The following CXCL10 variants were observed in gnomAD, a reference collection of about 807,000 sequenced individuals.
CXCL10 encodes C-X-C motif chemokine ligand 10.
CXCL10 carries 6 observed loss-of-function variants against 10.8 expected under a neutral mutation model. The observed-to-expected ratio is 0.55, with a 90% confidence interval of 0.30 to 1.09. The LOEUF (loss-of-function observed/expected upper bound fraction) is 1.09, where lower values mean the gene tolerates loss of function less well. CXCL10 is among the 50% of genes least tolerant of loss of function. The pLI is 0.06. For synonymous variants in CXCL10, 35 were observed against 35.8 expected (o/e 0.98, Z 0.08); for missense variants, 114 against 114.3 (o/e 1.00, Z 0.01).
In CXCL10 at chr4:76,021,897, G is replaced by A. The variant is rs1274318637; in HGVS notation, c.*33C>T. The stretch of plus-strand genomic sequence containing the variant: ...GCAGCCTCTGTGTGGTCCATCCTTG[G>A]AAGCACTGCATCGATTTTGCTCCCC... On this transcript the variant is annotated 3_prime_UTR_variant, in exon 4 of 4. Transcript: ENST00000306602. 5 of 1,601,504 alleles carry A rather than the reference G, an allele frequency of 3.1e-6. No individual in the cohort carries two copies.
intron 3 of CXCL10, among the ~76,000 whole-genome samples, chr4:76,022,152 T>G (rs1732895798): frequency 6.6e-6 from 1 of 152,214 alleles, no homozygotes; most frequent in Non-Finnish European, 1.5e-5. Flanking sequence ...TAGTTATAGC[T>G]GTACTTCAAG....
In CXCL10 at chr4:76,021,968, A is replaced by T; in HGVS notation, c.279-20T>A. The T allele has an allele frequency of 6.2e-7, 1 of 1,605,424 alleles. No homozygotes were observed. Among genetic ancestry groups the T allele is most frequent in the South Asian group, 1.1e-5 (1 of 90,892 alleles). On this transcript the variant is annotated intron_variant, in intron 3 of 3. Coordinates refer to ENST00000306602, the MANE Select transcript of CXCL10 (RefSeq NM_001565.4). ...TTAGACCTGTAAGAAGAGAAAGGGGATATAAAAGTGTGATAGTCTGACTCT... is the reference window on the plus strand; with the variant it reads ...TTAGACCTGTAAGAAGAGAAAGGGGTTATAAAAGTGTGATAGTCTGACTCT...
At chr4:76,022,512 A>G in intron 2 of CXCL10, 57 bp from the exon 3 acceptor site, 1 of 1,544,018 alleles carries the variant, frequency 6.5e-7, no homozygotes. Context: ...AATAAAACAG[A>G]TGGCATACGC....
Position 76,022,811 on chromosome 4 carries a change from G to C in CXCL10, c.68C>G (p.Pro23Arg). 6.2e-7 allele frequency: 1 copy of C among 1,608,262 alleles called. No individual in the cohort carries two copies. Reference sequence around the variant, plus strand: ...GGTACAGCGTACAGTTCTAGAGAGAGGTACTCCTGTAGGAAAAGAGGAACA... The same window carrying C: ...GGTACAGCGTACAGTTCTAGAGAGACGTACTCCTGTAGGAAAAGAGGAACA... Reference protein sequence around the residue: ...FLTLSGIQGVPLSRTVRCTCI... With the variant: ...FLTLSGIQGVRLSRTVRCTCI... The change falls in exon 2 of 4, where the codon CCT (proline) becomes CGT (arginine). Residue 23 changes from proline (P) to arginine (R), a missense_variant. Transcript: ENST00000306602.
At position 76,021,881 on chromosome 4, in the gene CXCL10, G is replaced by C. The variant is rs370049710; in HGVS notation, c.*49C>G. On this transcript the variant is annotated 3_prime_UTR_variant, in exon 4 of 4. Transcript: ENST00000306602. ...GGAAGTGATGGGAGAGGCAGCCTCT[G>C]TGTGGTCCATCCTTGGAAGCACTGC... 6.4e-7 allele frequency: 1 copy of C among 1,567,100 alleles called. No individual in the cohort carries two copies. Among genetic ancestry groups the C allele is most frequent in the Non-Finnish European group, 8.8e-7 (1 of 1,137,492 alleles).
In CXCL10 at chr4:76,021,517, A is replaced by G. The variant is rs1270006370; in HGVS notation, c.*413T>C. On this transcript the variant is annotated 3_prime_UTR_variant, in exon 4 of 4. Coordinates refer to ENST00000306602, the MANE Select transcript of CXCL10 (RefSeq NM_001565.4). ...GGCAGTGGAAGTCCATGAAGTAAAGAGCATTCTTTAAAAAGCAGATTTGAT... is the reference window on the plus strand; with the variant it reads ...GGCAGTGGAAGTCCATGAAGTAAAGGGCATTCTTTAAAAAGCAGATTTGAT... The G allele has an allele frequency of 5.9e-6, 1 of 168,112 alleles. No homozygotes were observed. The highest frequency in any genetic ancestry group is 1.3e-5 in the Non-Finnish European group (1 of 78,728). 10.4% of individuals were successfully genotyped at this position (168,112 alleles called of 1,614,324 possible).
In CXCL10 at chr4:76,022,698, C is replaced by G. The variant is rs1481961916; in HGVS notation, c.181G>C (p.Glu61Gln). ...IPASQFCPRV[E>Q]IIATMKKKGE... ...AGATGGGATTTCACTCACATGATCT[C>G]AACACGTGGACAAAATTGGCTTGCA... The change falls in exon 2 of 4, where the codon GAG (glutamate) becomes CAG (glutamine). Residue 61 changes from glutamate to glutamine, a missense_variant. Transcript: ENST00000306602. 1.9e-6 allele frequency: 3 copies of G among 1,613,682 alleles called. No homozygotes were observed. The highest frequency in any genetic ancestry group is 2.5e-6 in the Non-Finnish European group (3 of 1,179,794).
chr4:76,023,376 A>T lies in CXCL10; in HGVS notation c.56T>A (p.Ile19Asn). The change falls in exon 1 of 4, where the codon ATT (isoleucine) becomes AAT (asparagine). Residue 19 changes from isoleucine to asparagine, a missense_variant. Coordinates refer to ENST00000306602, the MANE Select transcript of CXCL10 (RefSeq NM_001565.4). ...TATCCTTTGATGTTCCTTACCTTGA[A>T]TGCCACTTAGAGTCAGAAAGATAAG... ...CCLIFLTLSGIQGVPLSRTVR... is the reference protein window; with the variant it reads ...CCLIFLTLSGNQGVPLSRTVR... The T allele has an allele frequency of 6.2e-7, 1 of 1,612,612 alleles. No individual in the cohort carries two copies. The highest frequency in any genetic ancestry group is 8.5e-7 in the Non-Finnish European group (1 of 1,178,646).
chr4:76,022,481 T>C (rs1276422609), intron 2 of CXCL10, 26 bp from the exon 3 acceptor site: 2 of 1,598,000 alleles, frequency 1.3e-6, no homozygotes, highest in African/African-American at 1.3e-5. Context: ...GGGATGAAAA[T>C]ATTTAAAACT....
intron 1 of CXCL10, 28 bp downstream of exon 1, chr4:76,023,342 CA>C (rs770530840): frequency 6.4e-7 from 1 of 1,562,892 alleles, no homozygotes. Flanking sequence ...TCTCATTTTA[CA>C]AATTAAGTAT....
rs1303173258 is a variant in CXCL10 at position 76,021,687 on chromosome 4, T to C, written c.*243A>G. ...ATCCACTAAGAACATAGCACCTCAG[T>C]AGAGCTTACATTATAGTGCCAGGGT... On this transcript the variant is annotated 3_prime_UTR_variant, in exon 4 of 4. Coordinates refer to ENST00000306602, the MANE Select transcript of CXCL10 (RefSeq NM_001565.4). 2 of 527,070 alleles carry C rather than the reference T, an allele frequency of 3.8e-6. No homozygotes were observed. The highest frequency in any genetic ancestry group is 3.8e-5 in the African/African-American group (2 of 52,262). 32.6% of individuals were successfully genotyped at this position (527,070 alleles called of 1,614,324 possible).
Position 76,021,269 on chromosome 4 carries a change from A to T in CXCL10, c.*661T>A, listed in dbSNP as rs1342489698. ...AGAGCATATATCTATCTGTATTTTT[A>T]AAATTTTCCTGTTACTCATTGATAC... On this transcript the variant is annotated 3_prime_UTR_variant, in exon 4 of 4. Coordinates refer to ENST00000306602, the MANE Select transcript of CXCL10 (RefSeq NM_001565.4). The T allele has an allele frequency of 6.6e-6, 1 of 152,240 alleles. No homozygotes were observed. The highest frequency in any genetic ancestry group is 2.4e-5 in the African/African-American group (1 of 41,458). The allele number at this position is 152,240 out of a possible 1,614,324, so 9.4% of individuals were successfully genotyped here.
In CXCL10 at chr4:76,023,433, G is replaced by T. The variant is rs1472695169; in HGVS notation, c.-2C>A. The T allele has an allele frequency of 2.5e-6, 4 of 1,613,642 alleles. No homozygotes were observed. The highest frequency in any genetic ancestry group is 1.7e-5 in the Admixed American group (1 of 60,004). On this transcript the variant is annotated 5_prime_UTR_variant, in exon 1 of 4. Coordinates refer to ENST00000306602, the MANE Select transcript of CXCL10 (RefSeq NM_001565.4). Reference sequence around the variant, plus strand: ...AATCAGAATGGCAGTTTGATTCATGGTGCTGAGACTGGAGGTTCCTCTGCT... The same window carrying T: ...AATCAGAATGGCAGTTTGATTCATGTTGCTGAGACTGGAGGTTCCTCTGCT...
intron 2 of CXCL10, 79 bp from the exon 3 acceptor site, chr4:76,022,534 C>T: frequency 2.7e-6 from 4 of 1,506,082 alleles, no homozygotes; most frequent in Non-Finnish European, 2.7e-6. Context: ...GTTCTGAAGT[C>T]AGACATTTAA....
chr4:76,023,242 CTATT>C (rs146674736), intron 1 of CXCL10, 125 bp downstream of exon 1: 23,569 of 701,732 alleles, frequency 0.034, 638 homozygotes, highest in Non-Finnish European at 0.042. Flanking sequence ...GAGGGAATCT[CTATT>C]TATTTCCCTC....
chr4:76,023,469 A>T lies in CXCL10; in HGVS notation c.-38T>A, dbSNP rs1733078194. ...GGAGGTTCCTCTGCTGTAGGCTCAG[A>T]ATATGTCTAAGCAATTGAGGAATGT... On this transcript the variant is annotated 5_prime_UTR_variant, in exon 1 of 4. Coordinates refer to ENST00000306602, the MANE Select transcript of CXCL10 (RefSeq NM_001565.4). The T allele has an allele frequency of 6.3e-7, 1 of 1,576,426 alleles. No homozygotes were observed. Among genetic ancestry groups the T allele is most frequent in the Non-Finnish European group, 8.7e-7 (1 of 1,145,866 alleles).
intron 3 of CXCL10, 143 bp from the exon 4 acceptor site, chr4:76,022,091 CT>C: frequency 4.7e-6 from 4 of 848,624 alleles, no homozygotes; most frequent in African/African-American, 1.7e-5. Flanking sequence ...ATAGGGGTTG[CT>C]TTTTTCAACC....
chr4:76,023,344 A>G (rs1342752409), intron 1 of CXCL10, 27 bp downstream of exon 1: 3 of 1,571,018 alleles, frequency 1.9e-6, no homozygotes, highest in Non-Finnish European at 2.6e-6. Flanking sequence ...TCATTTTACA[A>G]ATTAAGTATC....
intron 2 of CXCL10, 69 bp from the exon 3 acceptor site, chr4:76,022,524 G>A (rs4859588): frequency 0.56 from 848,261 of 1,518,272 alleles, 244,530 homozygotes; most frequent in East Asian, 0.94. Context: ...GGCATACGCA[G>A]TTCTGAAGTC....
Sources: allele counts gnomAD v4.1 joint callset (sites outside exome capture counted in the v4.1 genomes callset), GRCh38; gene constraint gnomAD v4.1.1; transcripts MANE v1.5; gene names NCBI Gene and HGNC (gene_info 2026-07-23, HGNC 2026-07-21).